Variants in FOCAD observed in about 807,000 individuals in gnomAD.
The protein encoded by FOCAD is focadhesin.
Under a neutral mutation model 225.6 loss-of-function variants are expected in FOCAD, and 198 were observed. That is an observed-to-expected ratio of 0.88 (90% CI 0.78 to 0.99). FOCAD has a LOEUF of 0.99. Ranked by LOEUF, FOCAD falls within the 50% of genes least tolerant of loss-of-function variation. The probability of loss-of-function intolerance (pLI) is 0.00; values close to 1 mark genes in which losing one functional copy is unlikely to be tolerated. For missense variants in FOCAD, 2,713 were observed against 2,123.6 expected, an observed-to-expected ratio of 1.28 and a Z score of -5.46; for synonymous variants, 897 against 755.0, an observed-to-expected ratio of 1.19 and a Z score of -3.08.
chr9:20,944,121 A>G (rs1427492058), intron 28 of FOCAD, among the ~76,000 whole-genome samples: 2 of 152,240 alleles, frequency 1.3e-5, no homozygotes, highest in Non-Finnish European at 2.9e-5. Context: ...GAAGTTGACT[A>G]GGAAACATGA....
intron 9 of FOCAD, among the ~76,000 whole-genome samples, chr9:20,780,918 G>A (rs1389236669): frequency 6.6e-6 from 1 of 152,184 alleles, no homozygotes; most frequent in African/African-American, 2.4e-5. Flanking sequence ...TCCAGATGAT[G>A]TAAAATAGAA....
intron 2 of FOCAD, among the ~76,000 whole-genome samples, chr9:20,673,453 C>A (rs750269978): frequency 2.0e-4 from 31 of 152,088 alleles, no homozygotes; most frequent in Non-Finnish European, 3.1e-4. Flanking sequence ...TTATAACTAT[C>A]CTGGTAGTGG....
chr9:20,926,565 C>A, intron 26 of FOCAD, 148 bp downstream of exon 26: 1 of 572,452 alleles, frequency 1.7e-6, no homozygotes, highest in Non-Finnish European at 3.2e-6. Context: ...GGGCGGATCA[C>A]CTGAGGTTGG....
chr9:20,923,247 CAA>C (rs1365922955), intron 24 of FOCAD, among the ~76,000 whole-genome samples: 1 of 152,064 alleles, frequency 6.6e-6, no homozygotes, highest in Non-Finnish European at 1.5e-5. Flanking sequence ...TCAGAAAAGC[CAA>C]AGATTGTTCT....
chr9:20,677,244 A>G (rs1031856428), intron 2 of FOCAD, among the ~76,000 whole-genome samples: 1 of 152,220 alleles, frequency 6.6e-6, no homozygotes. Context: ...ATATTCAAAC[A>G]TAAGATCTAA....
At chr9:20,945,156 G>C (rs1311795810) in intron 29 of FOCAD, among the ~76,000 whole-genome samples, 1 of 152,170 alleles carries the variant, frequency 6.6e-6, no homozygotes, top group Admixed American at 6.5e-5. Flanking sequence ...TGATCAAAAG[G>C]CGTTTGATTT....
At chr9:20,988,099 A>G (rs963441317) in intron 40 of FOCAD, among the ~76,000 whole-genome samples, 1 of 152,238 alleles carries the variant, frequency 6.6e-6, no homozygotes, top group Admixed American at 6.5e-5. Context: ...GGGAGATTTA[A>G]AGAATAAATT....
rs759378420 is a variant in FOCAD at position 20,881,858 on chromosome 9, T to G, written c.2318-13T>G. ...ATTTACTCTACTTTTGGTCTCCTTT[T>G]ATCCTCTTTTAGCTTTGGAGGAATT... On this transcript the variant is annotated splice_polypyrimidine_tract_variant and intron_variant, in intron 19 of 43. Transcript: ENST00000338382. The G allele has an allele frequency of 5.0e-6, 8 of 1,610,766 alleles. No homozygotes were observed.
chr9:20,667,787 T>G (rs914155971), intron 2 of FOCAD, among the ~76,000 whole-genome samples: 9 of 152,008 alleles, frequency 5.9e-5, no homozygotes, highest in African/African-American at 2.2e-4. Flanking sequence ...ATTAAGAAAT[T>G]AAAAACAACA....
intron 18 of FOCAD, among the ~76,000 whole-genome samples, chr9:20,869,183 T>C (rs767406061): frequency 2.2e-4 from 33 of 152,170 alleles, no homozygotes; most frequent in Non-Finnish European, 4.1e-4. Flanking sequence ...GATTCTTCTT[T>C]GTTGACAGAC....
chr9:20,973,754 T>C (rs1839983174), intron 35 of FOCAD, among the ~76,000 whole-genome samples: 1 of 149,746 alleles, frequency 6.7e-6, no homozygotes, highest in African/African-American at 2.5e-5. Flanking sequence ...TCCTTTTTCC[T>C]ATGTTTCTCC....
intron 1 of FOCAD, among the ~76,000 whole-genome samples, chr9:20,706,922 G>C (rs1824435450): frequency 6.6e-6 from 1 of 152,140 alleles, no homozygotes; most frequent in Non-Finnish European, 1.5e-5. Context: ...GTTGTGTCTA[G>C]GCTGTTGCCC....
intron 2 of FOCAD, among the ~76,000 whole-genome samples, chr9:20,662,336 T>A (rs1419526187): frequency 6.6e-6 from 1 of 152,172 alleles, no homozygotes; most frequent in Non-Finnish European, 1.5e-5. Context: ...CCTCCAGCTG[T>A]CAGCTCCTTT....
chr9:20,759,065 A>G (rs370248718), intron 6 of FOCAD, among the ~76,000 whole-genome samples: 14 of 152,206 alleles, frequency 9.2e-5, no homozygotes, highest in Admixed American at 2.6e-4. Flanking sequence ...TACAAGGGAT[A>G]TGAAGGACCT....
intron 15 of FOCAD, among the ~76,000 whole-genome samples, chr9:20,828,624 A>T (rs992043192): frequency 9.2e-5 from 14 of 152,182 alleles, no homozygotes; most frequent in Non-Finnish European, 1.6e-4. Flanking sequence ...TTTTATTTTT[A>T]AAAATTTTGA....
intron 15 of FOCAD, among the ~76,000 whole-genome samples, chr9:20,861,799 A>C (rs1165198192): frequency 6.6e-6 from 1 of 152,174 alleles, no homozygotes; most frequent in Admixed American, 6.5e-5. Context: ...CTGTGTTTGC[A>C]TTCTTCCTAT....
chr9:20,690,388 A>G (rs10964662), intron 1 of FOCAD, among the ~76,000 whole-genome samples: 3,598 of 152,268 alleles, frequency 0.024, 146 homozygotes, highest in African/African-American at 0.083. Context: ...AAGCCACTGT[A>G]CAATTTATTT....
At chr9:20,813,512 A>G (rs888228643) in intron 11 of FOCAD, among the ~76,000 whole-genome samples, 10 of 152,138 alleles carry the variant, frequency 6.6e-5, no homozygotes, top group African/African-American at 2.4e-4. Context: ...ATCCTTGTCA[A>G]TACTTCTGAT....
At chr9:20,823,265 C>T (rs1224623016) in intron 15 of FOCAD, 150 bp downstream of exon 15, 1 of 842,754 alleles carries the variant, frequency 1.2e-6, no homozygotes, top group African/African-American at 1.8e-5. Flanking sequence ...GCAAGACCTA[C>T]TTTACAAATT....
Sources: gnomAD v4.1 joint callset for allele counts (sites outside exome capture counted in the v4.1 genomes callset) on GRCh38, gnomAD v4.1.1 for gene constraint, MANE v1.5 for transcripts, NCBI Gene and HGNC (gene_info 2026-07-23, HGNC 2026-07-21) for gene names.